The following RALGAPA2 variants were observed in gnomAD, a reference collection of about 807,000 sequenced individuals.
The protein encoded by RALGAPA2 is Ral GTPase activating protein catalytic subunit alpha 2.
In RALGAPA2, 139 loss-of-function variants were observed where a neutral mutation model predicts 230.4. That is an observed-to-expected ratio of 0.60 (90% CI 0.53 to 0.69). The LOEUF is 0.69. Among genes scored for constraint, RALGAPA2 ranks in the 30% least tolerant of loss-of-function variants. The probability of loss-of-function intolerance (pLI) is 0.00; values close to 1 mark genes in which losing one functional copy is unlikely to be tolerated. For missense variants in RALGAPA2, 2,163 were observed against 2,276.0 expected (o/e 0.95, Z 1.01); for synonymous variants, 847 against 837.8 (o/e 1.01, Z -0.19).
chr20:20,405,800 G>T (rs539895851), intron 38 of RALGAPA2, among the ~76,000 whole-genome samples: 1 of 152,146 alleles, frequency 6.6e-6, no homozygotes, highest in South Asian at 2.1e-4. Flanking sequence ...TAAGAGACTG[G>T]GAAGGAGGGG....
chr20:20,638,236 C>T (rs2066923206), intron 7 of RALGAPA2, among the ~76,000 whole-genome samples: 1 of 152,186 alleles, frequency 6.6e-6, no homozygotes, highest in Non-Finnish European at 1.5e-5. Flanking sequence ...GGAAACACAG[C>T]CCTTAGATAA....
intron 23 of RALGAPA2, among the ~76,000 whole-genome samples, chr20:20,559,498 T>G (rs1568578461): frequency 6.6e-6 from 1 of 152,136 alleles, no homozygotes; most frequent in Non-Finnish European, 1.5e-5. Context: ...GCCCATCGTA[T>G]GATGAAAAGC....
chr20:20,526,218 C>A, intron 28 of RALGAPA2, 34 bp downstream of exon 28: 1 of 1,390,476 alleles, frequency 7.2e-7, no homozygotes, highest in South Asian at 1.3e-5. Context: ...AAAGGAAATG[C>A]TTATGTTTTA....
At chr20:20,393,403 G>A (rs1279875879) in intron 39 of RALGAPA2, 150 bp from the exon 40 acceptor site, 2 of 452,598 alleles carry the variant, frequency 4.4e-6, no homozygotes, top group Admixed American at 4.4e-5. Flanking sequence ...CGGCAAAGAT[G>A]TTTGTTGAAT....
chr20:20,612,702 T>C (rs1252021952), intron 13 of RALGAPA2, among the ~76,000 whole-genome samples: 3 of 152,170 alleles, frequency 2.0e-5, no homozygotes, highest in Admixed American at 2.0e-4. Flanking sequence ...GGCTATCTTC[T>C]GGGCACACAC....
At chr20:20,457,901 G>A (rs940433162) in intron 37 of RALGAPA2, among the ~76,000 whole-genome samples, 6 of 152,348 alleles carry the variant, frequency 3.9e-5, no homozygotes, top group East Asian at 1.9e-4. Context: ...AACATGCCAC[G>A]TGGGCATCTG....
At chr20:20,584,200 T>C (rs1193070941) in intron 19 of RALGAPA2, among the ~76,000 whole-genome samples, 1 of 152,220 alleles carries the variant, frequency 6.6e-6, no homozygotes, top group Non-Finnish European at 1.5e-5. Context: ...CAATATATGA[T>C]AATACGTCTC....
intron 35 of RALGAPA2, among the ~76,000 whole-genome samples, chr20:20,501,041 T>C (rs1045488909): frequency 2.6e-5 from 4 of 152,374 alleles, no homozygotes; most frequent in African/African-American, 9.6e-5. Flanking sequence ...CGTGCTGTCA[T>C]CCTGGTTTTG....
intron 24 of RALGAPA2, among the ~76,000 whole-genome samples, chr20:20,543,308 G>C (rs954897504): frequency 3.9e-5 from 6 of 152,134 alleles, no homozygotes; most frequent in Non-Finnish European, 7.4e-5. Context: ...GCCTCCTAAA[G>C]TGTCGGGATT....
intron 23 of RALGAPA2, among the ~76,000 whole-genome samples, chr20:20,562,369 C>T (rs1409089468): frequency 1.3e-5 from 2 of 152,128 alleles, no homozygotes; most frequent in African/African-American, 2.4e-5. Context: ...ATGTTCTCAA[C>T]TGAAAAATGT....
At chr20:20,596,583 G>A (rs1488324523) in intron 16 of RALGAPA2, among the ~76,000 whole-genome samples, 1 of 152,162 alleles carries the variant, frequency 6.6e-6, no homozygotes, top group Non-Finnish European at 1.5e-5. Context: ...AAGGACAATG[G>A]CAACATTTTA....
At chr20:20,669,553 C>T (rs976240619) in intron 3 of RALGAPA2, among the ~76,000 whole-genome samples, 1 of 152,210 alleles carries the variant, frequency 6.6e-6, no homozygotes, top group African/African-American at 2.4e-5. Context: ...GCTACCCCTA[C>T]AGCCCTGTCA....
Position 20,712,409 on chromosome 20 carries a change from C to T in RALGAPA2, c.72G>A (p.Val24=). The T allele has an allele frequency of 1.3e-6, 2 of 1,553,114 alleles. No individual in the cohort carries two copies. Among genetic ancestry groups the T allele is most frequent in the Non-Finnish European group, 1.7e-6 (2 of 1,147,832 alleles). ...TQKVLDPKKD[V]LTRLKHLRAL... Reference sequence around the variant, plus strand: ...CCCGCAGGTGCTTCAGGCGGGTCAGCACGTCCTTCTTCGGGTCCAGCACCT... The same window carrying T: ...CCCGCAGGTGCTTCAGGCGGGTCAGTACGTCCTTCTTCGGGTCCAGCACCT... The change falls in exon 1 of 40, where the codon GTG becomes GTA. Residue 24 remains valine (V), a synonymous_variant. Coordinates refer to ENST00000202677, the MANE Select transcript of RALGAPA2 (RefSeq NM_020343.4). This position sits in a 1 kb window ranked among gnomAD's most constrained non-coding sequence, Gnocchi z 5.5.
intron 24 of RALGAPA2, among the ~76,000 whole-genome samples, chr20:20,542,865 C>T (rs1477149196): frequency 2.6e-5 from 4 of 152,136 alleles, no homozygotes; most frequent in Non-Finnish European, 4.4e-5. Flanking sequence ...AACTTCATGA[C>T]CTAAACACCA....
At chr20:20,442,033 T>C (rs2060751512) in intron 37 of RALGAPA2, among the ~76,000 whole-genome samples, 1 of 152,212 alleles carries the variant, frequency 6.6e-6, no homozygotes, top group Non-Finnish European at 1.5e-5. Context: ...TTCAAAGTAG[T>C]CTGTGAAAAT....
At chr20:20,518,068 T>A (rs535530152) in intron 31 of RALGAPA2, among the ~76,000 whole-genome samples, 13 of 151,898 alleles carry the variant, frequency 8.6e-5, no homozygotes, top group East Asian at 1.9e-4. Flanking sequence ...ATAATTTTTT[T>A]CCCCCCGAGA....
chr20:20,626,115 C>A (rs1474481882), intron 10 of RALGAPA2, among the ~76,000 whole-genome samples: 1 of 152,210 alleles, frequency 6.6e-6, no homozygotes, highest in Admixed American at 6.5e-5. Flanking sequence ...AGAATGTGCA[C>A]TTCTTGAACA....
chr20:20,546,944 T>C, intron 23 of RALGAPA2, 112 bp from the exon 24 acceptor site: 3 of 1,133,420 alleles, frequency 2.6e-6, no homozygotes, highest in Non-Finnish European at 3.5e-6. Flanking sequence ...AGAGCACAGA[T>C]TACAGAAAAT....
Position 20,393,100 on chromosome 20 carries a change from T to C in RALGAPA2, c.*189A>G. 1 of 1,356,398 alleles carries C rather than the reference T, an allele frequency of 7.4e-7. No homozygotes were observed. The highest frequency in any genetic ancestry group is 9.8e-7 in the Non-Finnish European group (1 of 1,017,148). 84.0% of individuals were successfully genotyped at this position (1,356,398 alleles called of 1,614,324 possible). A position where few individuals can be genotyped will look rare whatever the true frequency, so the allele number is the denominator to read the frequency against. ...TTCACCATGGGCTTCAGAAGTCCAC[T>C]AATGGGAAGACCTGCTGAGGGCACT... On this transcript the variant is annotated 3_prime_UTR_variant, in exon 40 of 40. Transcript: ENST00000202677.
Sources: gnomAD v4.1 joint callset for allele counts (sites outside exome capture counted in the v4.1 genomes callset) on GRCh38, gnomAD v4.1.1 for gene constraint, Gnocchi (gnomAD v3.1) non-coding constraint, MANE v1.5 for transcripts, NCBI Gene and HGNC (gene_info 2026-07-23, HGNC 2026-07-21) for gene names.